Variants in NT5DC1 observed in about 807,000 individuals in gnomAD.
NT5DC1 encodes 5'-nucleotidase domain containing 1, also known as 5'-nucleotidase domain-containing protein 1.
A neutral mutation model predicts 59.4 loss-of-function variants in NT5DC1; 42 were observed. The observed-to-expected ratio is 0.71, with a 90% CI of 0.55 to 0.92. The LOEUF (loss-of-function observed/expected upper bound fraction) is 0.92, where lower values mean the gene tolerates loss of function less well. NT5DC1 is among the 40% of genes least tolerant of loss of function. NT5DC1 has a pLI of 0.00. For synonymous variants in NT5DC1, 172 were observed against 188.1 expected (o/e 0.91, Z 0.70); for missense variants, 501 against 537.1 (o/e 0.93, Z 0.66).
intron 8 of NT5DC1, among the ~76,000 whole-genome samples, chr6:116,235,938 C>G (rs1562176638): frequency 6.6e-6 from 1 of 152,216 alleles, no homozygotes; most frequent in Non-Finnish European, 1.5e-5. Flanking sequence ...CCTCATTTAT[C>G]TCTTCCAAAT....
intron 6 of NT5DC1, among the ~76,000 whole-genome samples, chr6:116,212,347 C>T (rs1364982315): frequency 1.3e-5 from 2 of 152,094 alleles, no homozygotes; most frequent in Non-Finnish European, 2.9e-5. Context: ...CTTAACTACT[C>T]TGTCTATGCA....
intron 6 of NT5DC1, among the ~76,000 whole-genome samples, chr6:116,190,345 A>AT (rs1781090559): frequency 6.6e-6 from 1 of 151,898 alleles, no homozygotes; most frequent in Admixed American, 6.6e-5. Flanking sequence ...AAAGGAAGCA[A>AT]TTTTTTATAT....
Position 116,244,022 on chromosome 6 carries a change from TA to T in NT5DC1, c.1368del (p.Ter456=). 3 of 1,283,328 alleles carry T rather than the reference TA, an allele frequency of 2.3e-6. No homozygotes were observed. The highest frequency in any genetic ancestry group is 3.3e-6 in the Non-Finnish European group (3 of 900,584). The allele number at this position is 1,283,328 out of a possible 1,614,324, so 79.5% of individuals were successfully genotyped here. ...AAGTGATGAGACACTGATATCCAAA[TA>T]AGTTGTCTTTACTGAAAAATGAAGT... Reference protein sequence around the residue: ...LSSDETLISK* With the variant: ...LSSDETLISKX On this transcript the variant is annotated frameshift_variant and stop_lost, in exon 12 of 12. Transcript: ENST00000319550. LOFTEE classifies it high-confidence loss of function.
intron 1 of NT5DC1, among the ~76,000 whole-genome samples, chr6:116,104,595 G>A (rs554965316): frequency 2.0e-5 from 3 of 152,184 alleles, no homozygotes; most frequent in South Asian, 4.1e-4. Context: ...ATGGGCAAGC[G>A]CTACCTGTCA....
At chr6:116,242,606 A>G (rs2114567076) in intron 11 of NT5DC1, among the ~76,000 whole-genome samples, 1 of 152,286 alleles carries the variant, frequency 6.6e-6, no homozygotes, top group Non-Finnish European at 1.5e-5. Context: ...TCTCAGAACT[A>G]TATAACTGCC....
chr6:116,125,652 G>T (rs1779279929), intron 6 of NT5DC1: 1 of 660,296 alleles, frequency 1.5e-6, no homozygotes, highest in East Asian at 3.0e-5. Context: ...AAATAAATGA[G>T]AGATCATTTT....
At chr6:116,146,226 A>T (rs1487614446) in intron 6 of NT5DC1, among the ~76,000 whole-genome samples, 1 of 152,202 alleles carries the variant, frequency 6.6e-6, no homozygotes, top group East Asian at 1.9e-4. Context: ...CCTGAGATTT[A>T]AGTCCATTGT....
intron 8 of NT5DC1, among the ~76,000 whole-genome samples, chr6:116,230,940 C>T (rs1204811): frequency 0.43 from 64,460 of 151,540 alleles, 17,649 homozygotes; most frequent in African/African-American, 0.78. Context: ...ACCCCATCTC[C>T]ACTAAAAGTA....
chr6:116,195,132 C>T (rs1214178900), intron 6 of NT5DC1, among the ~76,000 whole-genome samples: 1 of 152,042 alleles, frequency 6.6e-6, no homozygotes, highest in Non-Finnish European at 1.5e-5. Context: ...TATATCATCT[C>T]ATTGTTAGTT....
At chr6:116,108,541 T>A in intron 3 of NT5DC1, 106 bp downstream of exon 3, 1 of 694,088 alleles carries the variant, frequency 1.4e-6, no homozygotes, top group Non-Finnish European at 2.6e-6. Context: ...TTATTTTAAT[T>A]AATCAGATGA....
chr6:116,128,062 A>C (rs1779368241), intron 6 of NT5DC1, among the ~76,000 whole-genome samples: 2 of 152,130 alleles, frequency 1.3e-5, no homozygotes, highest in Admixed American at 6.5e-5. Flanking sequence ...ACTTGGCTCC[A>C]GTTAGTACTT....
At chr6:116,114,783 C>G (rs1778935453) in intron 4 of NT5DC1, among the ~76,000 whole-genome samples, 1 of 151,974 alleles carries the variant, frequency 6.6e-6, no homozygotes, top group South Asian at 2.1e-4. Flanking sequence ...TTGGGACTTC[C>G]AAGGAGAAGC....
chr6:116,202,230 C>CT (rs1694094575), intron 6 of NT5DC1, among the ~76,000 whole-genome samples: 2 of 152,110 alleles, frequency 1.3e-5, no homozygotes, highest in Non-Finnish European at 2.9e-5. Context: ...GCCTTCCTTG[C>CT]ACACACTTGG....
chr6:116,179,809 C>T (rs1346864091), intron 6 of NT5DC1, among the ~76,000 whole-genome samples: 1 of 151,996 alleles, frequency 6.6e-6, no homozygotes, highest in South Asian at 2.1e-4. Flanking sequence ...TTAGAGTAAT[C>T]TTATTTCTTT....
At chr6:116,195,988 CATCT>C (rs941909386) in intron 6 of NT5DC1, among the ~76,000 whole-genome samples, 1 of 151,962 alleles carries the variant, frequency 6.6e-6, no homozygotes, top group Non-Finnish European at 1.5e-5. Context: ...TTCTTCCATC[CATCT>C]GTCTAGTACT....
chr6:116,137,167 C>A, intron 6 of NT5DC1: 1 of 191,226 alleles, frequency 5.2e-6, no homozygotes. Flanking sequence ...GTGGCTGCCA[C>A]CCCAAAACCC....
chr6:116,136,452 T>G (rs1335962764), intron 6 of NT5DC1, among the ~76,000 whole-genome samples: 1 of 148,262 alleles, frequency 6.7e-6, no homozygotes, highest in Non-Finnish European at 1.5e-5. Flanking sequence ...TAGCTATTTT[T>G]TTTAAGTTTT....
chr6:116,103,114 G>A (rs1056085497), intron 1 of NT5DC1, among the ~76,000 whole-genome samples: 3 of 152,132 alleles, frequency 2.0e-5, no homozygotes, highest in Non-Finnish European at 4.4e-5. Flanking sequence ...AGAGCCCAGC[G>A]TGATGACTCC....
At position 116,106,252 on chromosome 6, in the gene NT5DC1, TA is replaced by T; in HGVS notation, c.104del (p.Asn35IlefsTer7). ...CTTCCCCTTATTTGCAGCTCATTTA[TA>T]ATAGCTTTGCCCAGTTCCTAGTTAA... The part of the protein sequence containing the change: ...NLPESAPLIY[N>X]SFAQFLVKEK... On this transcript the variant is annotated frameshift_variant, in exon 2 of 12. Coordinates refer to ENST00000319550, the MANE Select transcript of NT5DC1 (RefSeq NM_152729.3). LOFTEE classifies it high-confidence loss of function. The T allele has an allele frequency of 6.5e-7, 1 of 1,528,136 alleles. No homozygotes were observed. Among genetic ancestry groups the T allele is most frequent in the Non-Finnish European group, 9.1e-7 (1 of 1,102,638 alleles). 94.7% of individuals were successfully genotyped at this position (1,528,136 alleles called of 1,614,324 possible). A position where few individuals can be genotyped will look rare whatever the true frequency, so the allele number is the denominator to read the frequency against.
Sources: gnomAD v4.1 joint callset for allele counts (sites outside exome capture counted in the v4.1 genomes callset) on GRCh38, gnomAD v4.1.1 for gene constraint, MANE v1.5 for transcripts, NCBI Gene and HGNC (gene_info 2026-07-23, HGNC 2026-07-21) for gene names.